Variants in STAB2 observed in about 807,000 individuals in gnomAD.
STAB2 encodes the protein stabilin 2.
A neutral mutation model predicts 338.1 loss-of-function variants in STAB2; 288 were observed. The ratio of observed to expected loss-of-function variants is 0.85; its 90% CI spans 0.77 to 0.94. The LOEUF (loss-of-function observed/expected upper bound fraction) is 0.94, where lower values mean the gene tolerates loss of function less well. Among genes scored for constraint, STAB2 ranks in the 40% least tolerant of loss-of-function variants. The probability of loss-of-function intolerance (pLI) is 0.00; values close to 1 mark genes in which losing one functional copy is unlikely to be tolerated. For synonymous variants in STAB2, 1,202 were observed against 1,193.3 expected, an observed-to-expected ratio of 1.01 and a Z score of -0.15; for missense variants, 3,141 against 3,210.1, an observed-to-expected ratio of 0.98 and a Z score of 0.52.
At position 103,712,399 on chromosome 12, in the gene STAB2, G is replaced by C. The variant is rs375910172; in HGVS notation, c.4367G>C (p.Cys1456Ser). Residue 1456 changes from cysteine (C) to serine (S), a missense_variant, in exon 41 of 69, where the codon TGC (cysteine) becomes TCC (serine). Transcript: ENST00000388887. ...ACCAACTCAGATGGTACAGCTTCATGCAAGTGTGCAGCAGGATTCCAAGGA... is the reference window on the plus strand; with the variant it reads ...ACCAACTCAGATGGTACAGCTTCATCCAAGTGTGCAGCAGGATTCCAAGGA... ...CLTNSDGTAS[C>S]KCAAGFQGNG... 3 of 1,614,034 alleles carry C rather than the reference G, an allele frequency of 1.9e-6. No homozygotes were observed. The African/African-American group carries it at 4.0e-5, about 22-fold the overall frequency.
chr12:103,685,358 A>G (rs906142141), intron 27 of STAB2, among the ~76,000 whole-genome samples: 13 of 151,990 alleles, frequency 8.6e-5, no homozygotes, highest in Admixed American at 8.5e-4. Flanking sequence ...CCTAAAGAGC[A>G]ACTAACTGGC....
At chr12:103,713,881 C>T in intron 42 of STAB2, 113 bp downstream of exon 42, 2 of 1,509,472 alleles carry the variant, frequency 1.3e-6, no homozygotes, top group South Asian at 2.5e-5. Flanking sequence ...GTCAGTATTC[C>T]ATTTGCCAGG....
chr12:103,666,839 A>G (rs1875154274), intron 19 of STAB2, among the ~76,000 whole-genome samples: 1 of 152,244 alleles, frequency 6.6e-6, no homozygotes, highest in Non-Finnish European at 1.5e-5. Flanking sequence ...TCCAAGTTTA[A>G]TTGAATTCTG....
At position 103,740,765 on chromosome 12, in the gene STAB2, G is replaced by C; in HGVS notation, c.5881+9G>C. On this transcript the variant is annotated intron_variant, in intron 55 of 68. Coordinates refer to ENST00000388887, the MANE Select transcript of STAB2 (RefSeq NM_017564.10). ...CGGGCGAGACTGTCAGGGTGAGGGTGCCTCTTCCCCCCTCGCAACTCTAAA... is the reference window on the plus strand; with the variant it reads ...CGGGCGAGACTGTCAGGGTGAGGGTCCCTCTTCCCCCCTCGCAACTCTAAA... 1.3e-6 allele frequency: 2 copies of C among 1,564,436 alleles called. No homozygotes were observed. Among genetic ancestry groups the C allele is most frequent in the Non-Finnish European group, 1.7e-6 (2 of 1,161,284 alleles).
At chr12:103,685,312 T>C in intron 27 of STAB2, among the ~76,000 whole-genome samples, 1 of 152,192 alleles carries the variant, frequency 6.6e-6, no homozygotes, top group South Asian at 2.1e-4. Context: ...CTTACTTCTC[T>C]TTCTTGATAC....
At chr12:103,609,151 GATTGTCTTGGCA>G (rs1387119339) in intron 3 of STAB2, among the ~76,000 whole-genome samples, 26 of 152,308 alleles carry the variant, frequency 1.7e-4, no homozygotes, top group African/African-American at 5.8e-4. Flanking sequence ...TTTGGCTTAG[GATTGTCTTGGCA>G]ATGCGGGCTC....
rs1189665844 is a variant in STAB2, at chr12:103,745,277, G to T, written c.6136G>T (p.Val2046Phe). The T allele has an allele frequency of 1.2e-6, 2 of 1,612,676 alleles. No individual in the cohort carries two copies. The highest frequency in any genetic ancestry group is 1.7e-6 in the Non-Finnish European group (2 of 1,179,732). ...AGGCCCCTCGTGTGACACTCAGGCA[G>T]GTCAGTCATGGGAGTGGTCAGCTGC... The part of the protein sequence containing the change: ...WTGPSCDTQA[V>F]LPAVCTPPCS... The change falls in exon 57 of 69, where the codon GTT becomes TTT. Residue 2046 changes from valine (V) to phenylalanine (F), a missense_variant and splice_region_variant. Val to Phe is a conservative substitution (Grantham distance 50). Transcript: ENST00000388887.
chr12:103,722,295 C>CAG (rs980325951), intron 44 of STAB2, among the ~76,000 whole-genome samples: 2 of 152,210 alleles, frequency 1.3e-5, no homozygotes, highest in African/African-American at 4.8e-5. Flanking sequence ...ATAGTGTCAA[C>CAG]AGAGACCAAG....
chr12:103,661,615 G>A (rs1874628133), intron 17 of STAB2, among the ~76,000 whole-genome samples: 1 of 152,214 alleles, frequency 6.6e-6, no homozygotes, highest in African/African-American at 2.4e-5. Context: ...AGCAAGGAAG[G>A]GGGACAGAAG....
rs1029540445 is a variant in STAB2 at position 103,679,097 on chromosome 12, C to T, written c.2805+1486C>T. 4.5e-4 allele frequency among the ~76,000 whole-genome samples: 68 copies of T among 152,072 alleles called. 1 individual carries two copies. Among genetic ancestry groups the T allele is most frequent in the African/African-American group, 8.9e-4 (37 of 41,530 alleles). On this transcript the variant is annotated intron_variant, in intron 25 of 68. Coordinates refer to ENST00000388887, the MANE Select transcript of STAB2 (RefSeq NM_017564.10). ...GGGTTAAAAGGTGGTCAACATGGGC[C>T]GGGCACTGTGGCTTACACCTGTAAT...
intron 11 of STAB2, among the ~76,000 whole-genome samples, chr12:103,650,983 T>C (rs1873698656): frequency 6.6e-6 from 1 of 152,154 alleles, no homozygotes; most frequent in African/African-American, 2.4e-5. Flanking sequence ...ATTAGCTAGA[T>C]ATGTGGGTTT....
chr12:103,718,321 G>A (rs1327710273), intron 44 of STAB2, among the ~76,000 whole-genome samples: 3 of 151,924 alleles, frequency 2.0e-5, no homozygotes, highest in Non-Finnish European at 4.4e-5. Flanking sequence ...GGCTAAGGAA[G>A]ATGATTCTAC....
In STAB2 at chr12:103,654,564, A is replaced by G; in HGVS notation, c.1417A>G (p.Ile473Val). 1 of 1,613,918 alleles carries G rather than the reference A, an allele frequency of 6.2e-7. No individual in the cohort carries two copies. Among genetic ancestry groups the G allele is most frequent in the South Asian group, 1.1e-5 (1 of 91,010 alleles). Residue 473 changes from isoleucine to valine, a missense_variant, in exon 13 of 69, where the codon ATA becomes GTA. Transcript: ENST00000388887. ...EIFNSDKDNQ[I>V]KLKLHGGKKK... ...TTCTTTGGTGTTTTAGGACAATCAA[A>G]TAAAGCTTAAACTCCATGGAGGCAA...
At chr12:103,735,301 A>G (rs1882021400) in intron 51 of STAB2, among the ~76,000 whole-genome samples, 190 bp from the exon 52 acceptor site, 1 of 152,216 alleles carries the variant, frequency 6.6e-6, no homozygotes, top group Non-Finnish European at 1.5e-5. Flanking sequence ...CTCAAGAAGG[A>G]ATTTCCAACC....
chr12:103,603,420 T>TTCAAAAA (rs1956983503), intron 3 of STAB2, among the ~76,000 whole-genome samples: 7 of 152,220 alleles, frequency 4.6e-5, no homozygotes, highest in South Asian at 4.1e-4. Context: ...AAGATTCATT[T>TTCAAAAA]CTTTGCATAT....
At chr12:103,602,636 A>G (rs1956970106) in intron 3 of STAB2, among the ~76,000 whole-genome samples, 1 of 152,214 alleles carries the variant, frequency 6.6e-6, no homozygotes, top group South Asian at 2.1e-4. Flanking sequence ...AGCAATTGCT[A>G]TAATCAGATT....
chr12:103,738,989 G>A (rs550358400), intron 53 of STAB2, among the ~76,000 whole-genome samples: 24 of 151,994 alleles, frequency 1.6e-4, no homozygotes, highest in South Asian at 2.1e-4. Flanking sequence ...TGTTGTTGTC[G>A]TCTTGAGATA....
intron 55 of STAB2, among the ~76,000 whole-genome samples, chr12:103,741,918 C>T (rs139546017): frequency 2.1e-4 from 32 of 152,336 alleles, no homozygotes; most frequent in African/African-American, 7.0e-4. Context: ...CCCCCATGAC[C>T]ACCCAGCTCC....
intron 37 of STAB2, 74 bp from the exon 38 acceptor site, chr12:103,706,718 C>G: frequency 6.3e-7 from 1 of 1,580,712 alleles, no homozygotes; most frequent in Non-Finnish European, 8.6e-7. Context: ...TCACCCACAG[C>G]AGGATTTCTA....
Sources: allele counts gnomAD v4.1 joint callset (sites outside exome capture counted in the v4.1 genomes callset), GRCh38; gene constraint gnomAD v4.1.1; transcripts MANE v1.5; gene names NCBI Gene and HGNC (gene_info 2026-07-23, HGNC 2026-07-21).